DERA: variants seen among roughly 807,000 people sequenced by gnomAD.
DERA encodes the protein 2-deoxy-D-ribose 5-phosphate aldolase.
Under a neutral mutation model 41.1 loss-of-function variants are expected in DERA, and 15 were observed. The ratio of observed to expected loss-of-function variants is 0.37; its 90% CI spans 0.24 to 0.56. DERA has a LOEUF of 0.56. Ranked by LOEUF, DERA falls within the 20% of genes least tolerant of loss-of-function variation. The probability of loss-of-function intolerance (pLI) is 0.81; values close to 1 mark genes in which losing one functional copy is unlikely to be tolerated. For synonymous variants in DERA, 139 were observed against 137.4 expected, an observed-to-expected ratio of 1.01 and a Z score of -0.08; for missense variants, 396 against 403.4, an observed-to-expected ratio of 0.98 and a Z score of 0.16.
rs1022925045 is a variant in DERA, at chr12:15,997,278, T to C, written c.637+14842T>C. 4.6e-5 allele frequency among the ~76,000 whole-genome samples: 7 copies of C among 152,208 alleles called. No individual in the cohort carries two copies. In the South Asian group the frequency reaches 1.5e-3, roughly 32 times the overall value. On this transcript the variant is annotated intron_variant, in intron 6 of 8. Coordinates refer to ENST00000428559, the MANE Select transcript of DERA (RefSeq NM_015954.4). ...AGCAGGCAATTCTCTTGTGTTCTCT[T>C]TTCCTCCGCATGGGTGAATATTTCT... is the stretch of plus-strand genomic sequence containing the variant.
chr12:15,917,165 A>C (rs1189055137), intron 1 of DERA, among the ~76,000 whole-genome samples: 2 of 152,168 alleles, frequency 1.3e-5, no homozygotes, highest in African/African-American at 4.8e-5. Context: ...GAGGCCTTTA[A>C]ATTTTGCCTT....
At chr12:16,022,376 A>T (rs916617158) in intron 6 of DERA, among the ~76,000 whole-genome samples, 1 of 152,204 alleles carries the variant, frequency 6.6e-6, no homozygotes, top group Non-Finnish European at 1.5e-5. Context: ...AGCCTGAAGA[A>T]CTGTGAGCTA....
rs932172750 is a variant in DERA, at chr12:16,009,007, C to G, written c.638-23535C>G. On this transcript the variant is annotated intron_variant, in intron 6 of 8. Coordinates refer to ENST00000428559, the MANE Select transcript of DERA (RefSeq NM_015954.4). The surrounding 1 kb of genome is among the most constrained non-coding windows in gnomAD (Gnocchi z 5.3). ...GAAAAACATGGATTCATGACACTTACAAGCTGTTGTCTTAATGTGTTCCTT... is the reference window on the plus strand; with the variant it reads ...GAAAAACATGGATTCATGACACTTAGAAGCTGTTGTCTTAATGTGTTCCTT... Among the ~76,000 whole-genome samples, 3 of 152,234 alleles carry G rather than the reference C, an allele frequency of 2.0e-5. No individual in the cohort carries two copies. Among genetic ancestry groups the G allele is most frequent in the Non-Finnish European group, 4.4e-5 (3 of 68,032 alleles).
At chr12:15,977,953 C>T (rs1948709657) in intron 5 of DERA, among the ~76,000 whole-genome samples, 1 of 152,186 alleles carries the variant, frequency 6.6e-6, no homozygotes, top group African/African-American at 2.4e-5. Context: ...CTTATTGCTT[C>T]ACTTGTAATT....
intron 5 of DERA, among the ~76,000 whole-genome samples, chr12:15,975,743 C>T (rs78050555): frequency 0.098 from 14,929 of 152,292 alleles, 1,007 homozygotes; most frequent in Non-Finnish European, 0.14. Context: ...AAGGCAGTTT[C>T]GGGACCTGCT....
Position 15,915,175 on chromosome 12 carries a change from A to C in DERA, c.31+3761A>C, listed in dbSNP as rs1474350182. 6.6e-6 allele frequency among the ~76,000 whole-genome samples: 1 copy of C among 152,192 alleles called. No individual in the cohort carries two copies. Among genetic ancestry groups the C allele is most frequent in the Non-Finnish European group, 1.5e-5 (1 of 68,034 alleles). On this transcript the variant is annotated intron_variant, in intron 1 of 8. Coordinates refer to ENST00000428559, the MANE Select transcript of DERA (RefSeq NM_015954.4). The surrounding 1 kb of genome is among the most constrained non-coding windows in gnomAD (Gnocchi z 4.8). ...CAAGCTAGAGCTACAATTAAATGCA[A>C]GTGTGATGTGCAATTATTTTTCATT...
rs2136175362 is a variant in DERA, at chr12:16,004,714, C to A, written c.637+22278C>A. ...TTAGTGGGGCTTTGGTTCTTTGTTA[C>A]ATTCTTTTTTCAAAAACCAAGGTGG... On this transcript the variant is annotated intron_variant, in intron 6 of 8. Transcript: ENST00000428559. This position sits in a 1 kb window ranked among gnomAD's most constrained non-coding sequence, Gnocchi z 4.2. Among the ~76,000 whole-genome samples, 1 of 152,118 alleles carries A rather than the reference C, an allele frequency of 6.6e-6. No individual in the cohort carries two copies. The highest frequency in any genetic ancestry group is 2.1e-4 in the South Asian group (1 of 4,816).
At chr12:16,022,624 G>A (rs778891769) in intron 6 of DERA, among the ~76,000 whole-genome samples, 32 of 152,270 alleles carry the variant, frequency 2.1e-4, no homozygotes, top group Middle Eastern at 3.4e-3. Flanking sequence ...GCAAGAAAAA[G>A]CAGAATTAAC....
rs947774712 is a variant in DERA, at chr12:16,011,412, C to T, written c.638-21130C>T. Among the ~76,000 whole-genome samples the T allele has an allele frequency of 6.6e-6, 1 of 152,090 alleles. No individual in the cohort carries two copies. Among genetic ancestry groups the T allele is most frequent in the Admixed American group, 6.6e-5 (1 of 15,256 alleles). On this transcript the variant is annotated intron_variant, in intron 6 of 8. Transcript: ENST00000428559. This position sits in a 1 kb window ranked among gnomAD's most constrained non-coding sequence, Gnocchi z 4.7. Reference sequence around the variant, plus strand: ...CTTACCCTAACCTGGTTGAGCATCCCAAATCCAAAAATCTGAAATGTGAAA... The same window carrying T: ...CTTACCCTAACCTGGTTGAGCATCCTAAATCCAAAAATCTGAAATGTGAAA...
intron 1 of DERA, chr12:15,916,317 G>C (rs772701524): frequency 6.6e-6 from 1 of 152,340 alleles, no homozygotes; most frequent in East Asian, 1.9e-4. Context: ...TGACCTCAAG[G>C]TGAATAGAGT....
Position 15,990,226 on chromosome 12 carries a change from T to A in DERA, c.637+7790T>A, listed in dbSNP as rs1286034851. On this transcript the variant is annotated intron_variant, in intron 6 of 8. Coordinates refer to ENST00000428559, the MANE Select transcript of DERA (RefSeq NM_015954.4). This position sits in a 1 kb window ranked among gnomAD's most constrained non-coding sequence, Gnocchi z 4.3. ...GTAGCTGTAGGGGAGACAAATGACA[T>A]TGAGCTGGATTTCTTTCTGTACTGA... Among the ~76,000 whole-genome samples the A allele has an allele frequency of 6.6e-6, 1 of 152,166 alleles. No homozygotes were observed. Among genetic ancestry groups the A allele is most frequent in the East Asian group, 1.9e-4 (1 of 5,188 alleles).
chr12:15,934,349 G>T (rs1008065840), intron 1 of DERA, among the ~76,000 whole-genome samples: 6 of 152,126 alleles, frequency 3.9e-5, no homozygotes, highest in Non-Finnish European at 5.9e-5. Context: ...CACTTTGGGA[G>T]GCCGAGGCGG....
At position 16,032,635 on chromosome 12, in the gene DERA, T is replaced by C; in HGVS notation, c.731T>C (p.Phe244Ser). ...IVMLRAIRDF[F>S]WKTGNKIGFK... The stretch of plus-strand genomic sequence containing the variant: ...ATGCTGCGGGCCATTAGAGATTTCT[T>C]CTGGAAAACTGGAAACAAGGTATAT... Residue 244 changes from phenylalanine (F) to serine (S), a missense_variant, in exon 7 of 9, where the codon TTC (phenylalanine) becomes TCC (serine). Physicochemically the swap from Phe to Ser is radical, Grantham distance 155. Coordinates refer to ENST00000428559, the MANE Select transcript of DERA (RefSeq NM_015954.4). 6.4e-7 allele frequency: 1 copy of C among 1,559,632 alleles called. No individual in the cohort carries two copies. The highest frequency in any genetic ancestry group is 8.7e-7 in the Non-Finnish European group (1 of 1,149,696).
intron 5 of DERA, among the ~76,000 whole-genome samples, chr12:15,979,987 T>C (rs961033499): frequency 6.6e-6 from 1 of 152,242 alleles, no homozygotes; most frequent in Non-Finnish European, 1.5e-5. Context: ...AATAAAATAC[T>C]TTCCAGCCTT....
At chr12:15,956,815 T>C (rs1426218751) in intron 1 of DERA, 121 bp from the exon 2 acceptor site, 6 of 806,466 alleles carry the variant, frequency 7.4e-6, no homozygotes, top group Admixed American at 1.8e-5. Flanking sequence ...AAAAGAAATA[T>C]AAGCTTTAAA....
At chr12:15,912,830 A>ATT (rs1948174590) in intron 1 of DERA, among the ~76,000 whole-genome samples, 1 of 152,204 alleles carries the variant, frequency 6.6e-6, no homozygotes. Flanking sequence ...TTTTTGTCGA[A>ATT]TGGTAAGAGA....
Position 15,963,034 on chromosome 12 carries a change from T to C in DERA, c.508+87T>C, listed in dbSNP as rs2136150294. On this transcript the variant is annotated intron_variant, in intron 5 of 8. Transcript: ENST00000428559. ...GGTAAGATGTGGTATGTTTTAGAGG[T>C]CACTGTTCTAGGTGACAAGTTAGTA... 2.7e-6 allele frequency: 4 copies of C among 1,495,816 alleles called. No homozygotes were observed. In the East Asian group the frequency reaches 9.8e-5, roughly 37 times the overall value. 92.7% of individuals were successfully genotyped at this position (1,495,816 alleles called of 1,614,324 possible).
chr12:15,994,604 CA>C lies in DERA; in HGVS notation c.637+12170del, dbSNP rs1948824699. On this transcript the variant is annotated intron_variant, in intron 6 of 8. Transcript: ENST00000428559. The surrounding 1 kb of genome is among the most constrained non-coding windows in gnomAD (Gnocchi z 4.8). ...GAATAGCTGGGACTACAGGCGCCTG[CA>C]ACCACGCCTGGCTAATTTTTTGTAT... Among the ~76,000 whole-genome samples the C allele has an allele frequency of 6.6e-6, 1 of 152,174 alleles. No individual in the cohort carries two copies. The highest frequency in any genetic ancestry group is 1.5e-5 in the Non-Finnish European group (1 of 68,038).
chr12:15,915,924 C>T lies in DERA; in HGVS notation c.31+4510C>T, dbSNP rs779909417. ...GAATTCAAGCCCAGGTGATTTGGTG[C>T]TAATAATGCTACATGCTTAAACAAC... is the stretch of plus-strand genomic sequence containing the variant. On this transcript the variant is annotated intron_variant, in intron 1 of 8. Transcript: ENST00000428559. The surrounding 1 kb of genome is among the most constrained non-coding windows in gnomAD (Gnocchi z 4.8). Among the ~76,000 whole-genome samples, 5 of 152,180 alleles carry T rather than the reference C, an allele frequency of 3.3e-5. No individual in the cohort carries two copies. Among genetic ancestry groups the T allele is most frequent in the Admixed American group, 6.5e-5 (1 of 15,282 alleles).
Sources: allele counts gnomAD v4.1 joint callset (sites outside exome capture counted in the v4.1 genomes callset), GRCh38; gene constraint gnomAD v4.1.1; non-coding constraint Gnocchi (gnomAD v3.1); transcripts MANE v1.5; gene names NCBI Gene and HGNC (gene_info 2026-07-23, HGNC 2026-07-21).